The following MAN2A1 variants were observed in gnomAD, a reference collection of about 807,000 sequenced individuals.
The protein encoded by MAN2A1 is alpha-mannosidase 2.
Under a neutral mutation model 142.6 loss-of-function variants are expected in MAN2A1, and 76 were observed. The ratio of observed to expected loss-of-function variants is 0.53; its 90% CI spans 0.44 to 0.65. MAN2A1 has a LOEUF of 0.65. Among genes scored for constraint, MAN2A1 ranks in the 30% least tolerant of loss-of-function variants. MAN2A1 has a pLI of 0.00. For missense variants in MAN2A1, 1,311 were observed against 1,365.1 expected (o/e 0.96, Z 0.62); for synonymous variants, 559 against 473.2 (o/e 1.18, Z -2.35).
At chr5:109,729,659 G>T (rs1751845314) in intron 4 of MAN2A1, 146 bp downstream of exon 4, 6 of 485,582 alleles carry the variant, frequency 1.2e-5, no homozygotes, top group Non-Finnish European at 2.1e-5. Flanking sequence ...CGTTGATTTT[G>T]GTTCATCTCT....
At chr5:109,740,245 G>T (rs1752228943) in intron 4 of MAN2A1, among the ~76,000 whole-genome samples, 1 of 152,218 alleles carries the variant, frequency 6.6e-6, no homozygotes, top group African/African-American at 2.4e-5. Flanking sequence ...TCAGCAGTTG[G>T]GGAAGGTGTC....
intron 12 of MAN2A1, among the ~76,000 whole-genome samples, chr5:109,804,621 A>G (rs1754117101): frequency 6.6e-6 from 1 of 152,088 alleles, no homozygotes; most frequent in Non-Finnish European, 1.5e-5. Flanking sequence ...CCTAGGACCA[A>G]TATTGTTTCT....
rs570923883 is a variant in MAN2A1 at position 109,767,472 on chromosome 5, T to C, written c.836-63T>C. On this transcript the variant is annotated intron_variant, in intron 5 of 21. Transcript: ENST00000261483. ...ACAATGACAATGAGTCTGAATGTGT[T>C]GTGACTTCTTTTTATTTCATATATC... is the stretch of plus-strand genomic sequence containing the variant. 83 of 1,377,790 alleles carry C rather than the reference T, an allele frequency of 6.0e-5. 1 individual carries two copies. In the South Asian group the frequency reaches 1.0e-3, roughly 17 times the overall value. The allele number at this position is 1,377,790 out of a possible 1,614,324, so 85.3% of individuals were successfully genotyped here.
chr5:109,796,821 C>A (rs1175865554), intron 12 of MAN2A1, among the ~76,000 whole-genome samples: 3 of 152,070 alleles, frequency 2.0e-5, no homozygotes, highest in Non-Finnish European at 2.9e-5. Context: ...TATTATTCAC[C>A]CACTCTTTTT....
At chr5:109,753,067 C>A (rs1217680303) in intron 4 of MAN2A1, among the ~76,000 whole-genome samples, 1 of 152,180 alleles carries the variant, frequency 6.6e-6, no homozygotes, top group Non-Finnish European at 1.5e-5. Context: ...CTCTATTCAA[C>A]ATCAGCGAAG....
At chr5:109,863,687 T>TA (rs1407458159) in intron 20 of MAN2A1, 6 of 152,240 alleles carry the variant, frequency 3.9e-5, no homozygotes, top group Admixed American at 2.0e-4. Context: ...TGGCACATGA[T>TA]AGAGTCCTGT....
rs886336788 is a variant in MAN2A1 at position 109,868,093 on chromosome 5, G to C, written c.*1095G>C. The C allele has an allele frequency of 1.3e-5, 2 of 152,178 alleles. No homozygotes were observed. The highest frequency in any genetic ancestry group is 4.8e-5 in the African/African-American group (2 of 41,436). The allele number at this position is 152,178 out of a possible 1,614,324, so 9.4% of individuals were successfully genotyped here. ...AAAATATTGTTAATTAAAATGTGCT[G>C]CTGCCAAGGAAACTGCAACTTGAAG... On this transcript the variant is annotated 3_prime_UTR_variant, in exon 22 of 22. Transcript: ENST00000261483.
In MAN2A1 at chr5:109,764,867, T is replaced by C. The variant is rs191131139; in HGVS notation, c.836-2668T>C. ...TTAATTTTATAACTTAATTTTGATA[T>C]AATTTTTAACTTATAAGTGGCATCA... On this transcript the variant is annotated intron_variant, in intron 5 of 21. Coordinates refer to ENST00000261483, the MANE Select transcript of MAN2A1 (RefSeq NM_002372.4). 6.4e-4 allele frequency among the ~76,000 whole-genome samples: 97 copies of C among 152,318 alleles called. No homozygotes were observed. The East Asian group carries it at 0.013, about 20-fold the overall frequency.
intron 5 of MAN2A1, among the ~76,000 whole-genome samples, chr5:109,760,993 C>T (rs1371695826): frequency 1.3e-5 from 2 of 151,560 alleles, no homozygotes; most frequent in Non-Finnish European, 2.9e-5. Flanking sequence ...AATATTTTTA[C>T]CAGTTTATGG....
intron 12 of MAN2A1, among the ~76,000 whole-genome samples, chr5:109,814,615 A>G (rs1179404629): frequency 6.6e-6 from 1 of 152,200 alleles, no homozygotes; most frequent in Non-Finnish European, 1.5e-5. Context: ...TCCTGGCATG[A>G]TAATTACATA....
chr5:109,691,976 A>G (rs1750685021), intron 1 of MAN2A1, among the ~76,000 whole-genome samples: 1 of 152,218 alleles, frequency 6.6e-6, no homozygotes, highest in African/African-American at 2.4e-5. Flanking sequence ...TTTTCCCTCC[A>G]GTAACCTCAT....
At chr5:109,803,081 G>A (rs907942282) in intron 12 of MAN2A1, among the ~76,000 whole-genome samples, 178 of 152,040 alleles carry the variant, frequency 1.2e-3, no homozygotes, top group African/African-American at 4.0e-3. Flanking sequence ...TAACAGCATA[G>A]GATTTTAAAT....
chr5:109,747,354 T>G (rs1277831372), intron 4 of MAN2A1, among the ~76,000 whole-genome samples: 1 of 152,200 alleles, frequency 6.6e-6, no homozygotes, highest in Non-Finnish European at 1.5e-5. Flanking sequence ...TGTTATATTT[T>G]TATGTCATGC....
chr5:109,865,671 G>T (rs1755861630), intron 21 of MAN2A1, among the ~76,000 whole-genome samples: 1 of 152,248 alleles, frequency 6.6e-6, no homozygotes, highest in African/African-American at 2.4e-5. Context: ...GGAAATAAAT[G>T]TAGGTCTTGG....
At chr5:109,804,407 A>G (rs1371045371) in intron 12 of MAN2A1, 1 of 346,174 alleles carries the variant, frequency 2.9e-6, no homozygotes, top group Non-Finnish European at 4.1e-6. Flanking sequence ...TTACTTTTCA[A>G]ACTGAAACAT....
chr5:109,814,288 C>A (rs1754395896), intron 12 of MAN2A1, among the ~76,000 whole-genome samples: 1 of 152,104 alleles, frequency 6.6e-6, no homozygotes. Context: ...TGGTTTCATT[C>A]ACAACTAGAG....
At chr5:109,766,141 C>T (rs1476711182) in intron 5 of MAN2A1, among the ~76,000 whole-genome samples, 1 of 152,020 alleles carries the variant, frequency 6.6e-6, no homozygotes, top group Admixed American at 6.6e-5. Flanking sequence ...TCATGAAAAA[C>T]CATAAGTTAG....
At chr5:109,708,568 A>C (rs1751208255) in intron 1 of MAN2A1, among the ~76,000 whole-genome samples, 1 of 143,130 alleles carries the variant, frequency 7.0e-6, no homozygotes. Context: ...TTATTAGGAG[A>C]ATTGGCTTAT....
chr5:109,844,856 A>G (rs567209290), intron 17 of MAN2A1, among the ~76,000 whole-genome samples: 3 of 152,328 alleles, frequency 2.0e-5, no homozygotes, highest in Admixed American at 1.3e-4. Flanking sequence ...AACATAATCC[A>G]GAATGACCTC....
Sources: gnomAD v4.1 joint callset for allele counts (sites outside exome capture counted in the v4.1 genomes callset) on GRCh38, gnomAD v4.1.1 for gene constraint, MANE v1.5 for transcripts, NCBI Gene and HGNC (gene_info 2026-07-23, HGNC 2026-07-21) for gene names.